Variants in MACC1 observed in about 807,000 individuals in gnomAD.
MACC1 encodes the protein metastasis-associated in colon cancer protein 1.
A neutral mutation model predicts 70.7 loss-of-function variants in MACC1; 79 were observed. That is an observed-to-expected ratio of 1.12 (90% CI 0.93 to 1.35). MACC1 has a LOEUF of 1.35. Ranked by LOEUF, MACC1 falls within the 40% of genes most tolerant of loss-of-function variation. MACC1 has a pLI of 0.00. For synonymous variants in MACC1, 361 were observed against 347.2 expected (o/e 1.04, Z -0.44); for missense variants, 1,106 against 978.1 (o/e 1.13, Z -1.74).
At chr7:20,191,593 G>A (rs1342947468) in intron 1 of MACC1, among the ~76,000 whole-genome samples, 3 of 152,248 alleles carry the variant, frequency 2.0e-5, no homozygotes, top group African/African-American at 4.8e-5. Context: ...GTCGCACTAC[G>A]GGCACTGAAA....
intron 6 of MACC1, chr7:20,150,486 A>G (rs1479449950): frequency 6.6e-6 from 1 of 152,236 alleles, no homozygotes. Context: ...AAAATGAGGA[A>G]CAGGTTGTGA....
In MACC1 at chr7:20,140,901, A is replaced by C. The variant is rs563977472; in HGVS notation, c.*45T>G. ...CACACACAGACACACACACACACAC[A>C]CCATTACCTCATTTTCCCTCCCATC... is the stretch of plus-strand genomic sequence containing the variant. On this transcript the variant is annotated 3_prime_UTR_variant, in exon 7 of 7. Coordinates refer to ENST00000400331, the MANE Select transcript of MACC1 (RefSeq NM_182762.4). 6.9e-7 allele frequency: 1 copy of C among 1,452,524 alleles called. No individual in the cohort carries two copies. Among genetic ancestry groups the C allele is most frequent in the South Asian group, 1.2e-5 (1 of 80,874 alleles). The allele number at this position is 1,452,524 out of a possible 1,614,324, so 90.0% of individuals were successfully genotyped here.
At chr7:20,205,102 A>G (rs766194483) in intron 1 of MACC1, among the ~76,000 whole-genome samples, 3 of 152,048 alleles carry the variant, frequency 2.0e-5, no homozygotes, top group Non-Finnish European at 4.4e-5. Flanking sequence ...TAGAATGGAA[A>G]AAAACATGAA....
At chr7:20,193,354 CTA>C (rs1295042774) in intron 1 of MACC1, among the ~76,000 whole-genome samples, 1 of 152,044 alleles carries the variant, frequency 6.6e-6, no homozygotes, top group Non-Finnish European at 1.5e-5. Flanking sequence ...TATAATGTGA[CTA>C]AGTGCAAAAG....
chr7:20,149,739 G>A (rs1781947039), intron 6 of MACC1, among the ~76,000 whole-genome samples: 1 of 152,048 alleles, frequency 6.6e-6, no homozygotes, highest in Admixed American at 6.6e-5. Flanking sequence ...ATATTTAGAA[G>A]CACTGAAGTC....
chr7:20,178,965 A>G (rs550983048), intron 1 of MACC1, among the ~76,000 whole-genome samples: 6 of 151,788 alleles, frequency 4.0e-5, no homozygotes, highest in African/African-American at 1.5e-4. Context: ...ACATTCAACT[A>G]TTTTCTCTAT....
At chr7:20,152,493 T>C (rs1014857269) in intron 6 of MACC1, among the ~76,000 whole-genome samples, 4 of 152,228 alleles carry the variant, frequency 2.6e-5, no homozygotes, top group Admixed American at 2.6e-4. Flanking sequence ...GATTTCTGTA[T>C]ATTATTTGGA....
rs145767772 is a variant in MACC1 at position 20,183,624 on chromosome 7, G to A, written c.-217-12846C>T. Among the ~76,000 whole-genome samples, 35 of 151,962 alleles carry A rather than the reference G, an allele frequency of 2.3e-4. 2 individuals carry two copies. In the East Asian group the frequency reaches 6.2e-3, roughly 27 times the overall value. On this transcript the variant is annotated intron_variant, in intron 1 of 6. Coordinates refer to ENST00000400331, the MANE Select transcript of MACC1 (RefSeq NM_182762.4). ...ATCAGAAGGAGAAATTCTCCACAAC[G>A]TATTTTTCTTGCTTTCGTTTCTTTC...
rs903494091 is a variant in MACC1 at position 20,139,919 on chromosome 7, T to C, written c.*1027A>G. ...ATCAGTGTTTTCGGTGGTTAAGACC[T>C]CTCTACTCAACAGGGTAATCAAGTT... On this transcript the variant is annotated 3_prime_UTR_variant, in exon 7 of 7. Transcript: ENST00000400331. The C allele has an allele frequency of 7.9e-5, 12 of 152,060 alleles. No individual in the cohort carries two copies. Among genetic ancestry groups the C allele is most frequent in the African/African-American group, 2.7e-4 (11 of 41,402 alleles). 9.4% of individuals were successfully genotyped at this position (152,060 alleles called of 1,614,324 possible). A position where few individuals can be genotyped will look rare whatever the true frequency, so the allele number is the denominator to read the frequency against.
intron 4 of MACC1, among the ~76,000 whole-genome samples, chr7:20,161,463 C>T (rs1485988506): frequency 6.6e-6 from 1 of 151,848 alleles, no homozygotes. Flanking sequence ...TGAAGATTTC[C>T]TAGGTCAATC....
chr7:20,154,077 G>A lies in MACC1; in HGVS notation c.2346+116C>T, dbSNP rs734035. ...AGTTACTAGTGCAGTGATTCAGTTA[G>A]TGGATCATCTTGGACATTCCCCCAG... On this transcript the variant is annotated intron_variant, in intron 6 of 6. Coordinates refer to ENST00000400331, the MANE Select transcript of MACC1 (RefSeq NM_182762.4). 1.3e-3 allele frequency: 1,356 copies of A among 1,020,808 alleles called. 15 individuals carry two copies. In the African/African-American group the frequency reaches 0.018, roughly 14 times the overall value. The allele number at this position is 1,020,808 out of a possible 1,614,324, so 63.2% of individuals were successfully genotyped here. A position where few individuals can be genotyped will look rare whatever the true frequency, so the allele number is the denominator to read the frequency against.
intron 6 of MACC1, chr7:20,150,309 T>C (rs1781956456): frequency 1.3e-5 from 2 of 152,186 alleles, no homozygotes; most frequent in African/African-American, 2.4e-5. Flanking sequence ...ATGAATTAAA[T>C]ACTGAAGGCT....
chr7:20,152,474 C>T (rs1471304080), intron 6 of MACC1, among the ~76,000 whole-genome samples: 2 of 152,116 alleles, frequency 1.3e-5, no homozygotes, highest in Admixed American at 6.6e-5. Flanking sequence ...TAAGTGACCT[C>T]GTACGTAAGA....
intron 1 of MACC1, among the ~76,000 whole-genome samples, chr7:20,183,935 T>G (rs1782548608): frequency 6.6e-6 from 1 of 152,140 alleles, no homozygotes; most frequent in Admixed American, 6.5e-5. Context: ...ATCAAATTCT[T>G]GAACGCAGGT....
intron 1 of MACC1, among the ~76,000 whole-genome samples, chr7:20,198,154 T>A (rs1782782894): frequency 6.6e-6 from 1 of 152,210 alleles, no homozygotes; most frequent in Admixed American, 6.5e-5. Flanking sequence ...CCATATCATC[T>A]GGAGATCCCT....
intron 1 of MACC1, among the ~76,000 whole-genome samples, chr7:20,193,471 G>A (rs896454034): frequency 6.6e-6 from 1 of 152,174 alleles, no homozygotes; most frequent in Non-Finnish European, 1.5e-5. Flanking sequence ...TTATGTTGAG[G>A]TGATGGTCAT....
chr7:20,213,328 G>A (rs188066070), intron 1 of MACC1, among the ~76,000 whole-genome samples: 1 of 152,224 alleles, frequency 6.6e-6, no homozygotes, highest in South Asian at 2.1e-4. Context: ...CCATTGGTGA[G>A]AGTGTAAATT....
intron 5 of MACC1, among the ~76,000 whole-genome samples, chr7:20,155,731 T>G (rs1446797089): frequency 6.6e-6 from 1 of 152,236 alleles, no homozygotes; most frequent in Non-Finnish European, 1.5e-5. Flanking sequence ...GGACTACCCA[T>G]GGTTTTGATA....
chr7:20,211,703 C>T (rs1456534641), intron 1 of MACC1, among the ~76,000 whole-genome samples: 1 of 152,142 alleles, frequency 6.6e-6, no homozygotes, highest in Non-Finnish European at 1.5e-5. Flanking sequence ...AAAGCAATTT[C>T]TCAATATCTC....
Sources: allele counts gnomAD v4.1 joint callset (sites outside exome capture counted in the v4.1 genomes callset), GRCh38; gene constraint gnomAD v4.1.1; transcripts MANE v1.5; gene names NCBI Gene and HGNC (gene_info 2026-07-23, HGNC 2026-07-21).